LIMS1: variants seen among roughly 807,000 people sequenced by gnomAD.
LIMS1 encodes LIM zinc finger domain containing 1.
A neutral mutation model predicts 44.1 loss-of-function variants in LIMS1; 18 were observed. The ratio of observed to expected loss-of-function variants is 0.41; its 90% CI spans 0.28 to 0.61. The LOEUF is 0.61. Ranked by LOEUF, LIMS1 falls within the 20% of genes least tolerant of loss-of-function variation. The probability of loss-of-function intolerance (pLI) is 0.32; values close to 1 mark genes in which losing one functional copy is unlikely to be tolerated. For synonymous variants in LIMS1, 93 were observed against 149.1 expected (o/e 0.62, Z 2.74); for missense variants, 201 against 422.0 (o/e 0.48, Z 4.59).
chr2:108,549,058 C>G (rs1238484241), intron 1 of LIMS1, among the ~76,000 whole-genome samples: 1 of 152,068 alleles, frequency 6.6e-6, no homozygotes, highest in African/African-American at 2.4e-5. Context: ...ACTTAAAAAT[C>G]TCATGCTCAT....
chr2:108,551,488 C>T (rs983339381), intron 1 of LIMS1, among the ~76,000 whole-genome samples: 23 of 99,116 alleles, frequency 2.3e-4, no homozygotes, highest in Admixed American at 5.6e-4. Context: ...TATGCGCGCG[C>T]GCGCACACAC....
At chr2:108,575,174 T>C (rs975200685) in intron 1 of LIMS1, among the ~76,000 whole-genome samples, 8 of 152,168 alleles carry the variant, frequency 5.3e-5, no homozygotes, top group Admixed American at 1.3e-4. Flanking sequence ...CCTTTTTTTT[T>C]CCTAGCTAGT....
In LIMS1 at chr2:108,550,360, G is replaced by A. The variant is rs190674774; in HGVS notation, c.32+15766G>A. On this transcript the variant is annotated intron_variant, in intron 1 of 9. Coordinates refer to ENST00000544547, the Ensembl canonical transcript of LIMS1. ...AATACAAAAAAAAAATTAGCCGGGC[G>A]CGGTGGCAGGTGCCTGTAGTCCCAG... Among the ~76,000 whole-genome samples, 546 of 151,112 alleles carry A rather than the reference G, an allele frequency of 3.6e-3. 2 individuals carry two copies. Among genetic ancestry groups the A allele is most frequent in the African/African-American group, 0.011 (468 of 41,128 alleles).
At chr2:108,577,747 C>A (rs1409304944) in intron 1 of LIMS1, among the ~76,000 whole-genome samples, 4 of 152,154 alleles carry the variant, frequency 2.6e-5, no homozygotes, top group African/African-American at 9.7e-5. Flanking sequence ...GATGTTCTTA[C>A]AAAGCTGTTT....
intron 1 of LIMS1, among the ~76,000 whole-genome samples, chr2:108,651,172 G>A (rs1690457732): frequency 6.6e-6 from 1 of 152,062 alleles, no homozygotes; most frequent in South Asian, 2.1e-4. Flanking sequence ...CCTCCTGCTT[G>A]TCTTTAACCC....
At chr2:108,588,880 G>A (rs1686235163) in intron 1 of LIMS1, among the ~76,000 whole-genome samples, 1 of 152,142 alleles carries the variant, frequency 6.6e-6, no homozygotes, top group Admixed American at 6.5e-5. Context: ...TCAAAGTAGG[G>A]TGGGTGTGGA....
intron 1 of LIMS1, among the ~76,000 whole-genome samples, chr2:108,644,683 G>A (rs911819248): frequency 1.1e-4 from 16 of 151,932 alleles, no homozygotes; most frequent in Non-Finnish European, 1.8e-4. Flanking sequence ...TCAGAAGGTA[G>A]GTAATAACAA....
intron 1 of LIMS1, among the ~76,000 whole-genome samples, chr2:108,615,598 G>A (rs969479210): frequency 6.6e-6 from 1 of 152,154 alleles, no homozygotes; most frequent in Non-Finnish European, 1.5e-5. Context: ...CCCAGAGGCT[G>A]TTCAGGGTTC....
chr2:108,576,274 T>A (rs1013981027), intron 1 of LIMS1, among the ~76,000 whole-genome samples: 1 of 150,162 alleles, frequency 6.7e-6, no homozygotes, highest in African/African-American at 2.5e-5. Flanking sequence ...AGTTTTGTTT[T>A]GTTTTGTTTT....
intron 3 of LIMS1, among the ~76,000 whole-genome samples, 160 bp from the exon 4 acceptor site, chr2:108,672,165 C>CAA (rs559219796): frequency 1.3e-3 from 76 of 56,782 alleles, no homozygotes; most frequent in African/African-American, 3.9e-3. Flanking sequence ...GAAACTGTCT[C>CAA]AAAAAAAAAA....
chr2:108,576,029 T>C (rs961104183), intron 1 of LIMS1, among the ~76,000 whole-genome samples: 3 of 152,246 alleles, frequency 2.0e-5, no homozygotes, highest in Non-Finnish European at 4.4e-5. Context: ...CTGGTCTTCA[T>C]GTCAGTGTTA....
chr2:108,684,088 G>C (rs1471453169), exon 10 of LIMS1: 2 of 663,930 alleles, frequency 3.0e-6, no homozygotes, highest in African/African-American at 3.8e-5. Context: ...ATATCTCAAA[G>C]CAGTTGAGAG....
At chr2:108,581,214 A>G (rs150781524) in intron 1 of LIMS1, among the ~76,000 whole-genome samples, 2 of 152,312 alleles carry the variant, frequency 1.3e-5, no homozygotes, top group Non-Finnish European at 2.9e-5. Context: ...CTTAAATTGC[A>G]GACATAAGCA....
chr2:108,678,299 C>T, intron 8 of LIMS1: 2 of 565,858 alleles, frequency 3.5e-6, no homozygotes, highest in Non-Finnish European at 6.0e-6. Context: ...GACCCTAAGA[C>T]CTGTTTGTGT....
At chr2:108,583,598 G>A (rs1685973904) in intron 1 of LIMS1, among the ~76,000 whole-genome samples, 2 of 151,914 alleles carry the variant, frequency 1.3e-5, no homozygotes, top group Admixed American at 6.6e-5. Context: ...GAAAAGATAC[G>A]CAAGTGTATT....
chr2:108,596,928 T>G (rs936926452), intron 1 of LIMS1, among the ~76,000 whole-genome samples: 16 of 143,054 alleles, frequency 1.1e-4, no homozygotes, highest in South Asian at 4.8e-4. Flanking sequence ...TTTTTTTTTT[T>G]TTTTTTTTTT....
At chr2:108,576,047 A>G (rs1232447031) in intron 1 of LIMS1, among the ~76,000 whole-genome samples, 1 of 152,214 alleles carries the variant, frequency 6.6e-6, no homozygotes, top group Non-Finnish European at 1.5e-5. Context: ...TTAGTCTGGA[A>G]GTAGTGACAG....
At chr2:108,649,027 A>G (rs1323589949) in intron 1 of LIMS1, among the ~76,000 whole-genome samples, 1 of 152,236 alleles carries the variant, frequency 6.6e-6, no homozygotes, top group African/African-American at 2.4e-5. Flanking sequence ...AGAAGAAACA[A>G]TCATCAGAGT....
rs529904209 is a variant in LIMS1, at chr2:108,611,195, T to C, written c.33-48410T>C. ...AATAACTGTATAGTAAGTTACACTT[T>C]CTATGTCTTGTCTCATCACCTTTGA... On this transcript the variant is annotated intron_variant, in intron 1 of 9. Coordinates refer to ENST00000544547, the Ensembl canonical transcript of LIMS1. Among the ~76,000 whole-genome samples, 19 of 152,334 alleles carry C rather than the reference T, an allele frequency of 1.2e-4. No homozygotes were observed. In the South Asian group the frequency reaches 3.7e-3, roughly 30 times the overall value.
Sources: allele counts gnomAD v4.1 joint callset (sites outside exome capture counted in the v4.1 genomes callset), GRCh38; gene constraint gnomAD v4.1.1; transcripts MANE v1.5; gene names NCBI Gene and HGNC (gene_info 2026-07-23, HGNC 2026-07-21).